STXBP5: variants seen among roughly 807,000 people sequenced by gnomAD.
STXBP5 encodes the protein syntaxin binding protein 5, also known as syntaxin-binding protein 5.
In STXBP5, 50 loss-of-function variants were observed where a neutral mutation model predicts 152.4. The observed-to-expected ratio is 0.33, with a 90% CI of 0.26 to 0.42. STXBP5 has a LOEUF of 0.42. STXBP5 is among the 10% of genes least tolerant of loss of function. The probability of loss-of-function intolerance (pLI) is 1.00; values close to 1 mark genes in which losing one functional copy is unlikely to be tolerated. For synonymous variants in STXBP5, 492 were observed against 494.7 expected, an observed-to-expected ratio of 0.99 and a Z score of 0.07; for missense variants, 1,167 against 1,388.6, an observed-to-expected ratio of 0.84 and a Z score of 2.54.
chr6:147,369,669 C>T (rs997705792), intron 25 of STXBP5, among the ~76,000 whole-genome samples: 1 of 151,920 alleles, frequency 6.6e-6, no homozygotes, highest in Non-Finnish European at 1.5e-5. Flanking sequence ...AAGGAAAGCT[C>T]ACCATGAAAA....
chr6:147,292,591 G>A, intron 9 of STXBP5: 1 of 151,360 alleles, frequency 6.6e-6, no homozygotes, highest in Non-Finnish European at 1.5e-5. Context: ...TATGGCAAAG[G>A]AATTAAAATA....
chr6:147,329,662 T>G (rs1393594730), intron 18 of STXBP5, among the ~76,000 whole-genome samples: 1 of 129,550 alleles, frequency 7.7e-6, no homozygotes, highest in African/African-American at 2.9e-5. Flanking sequence ...GTCTCGCTCT[T>G]TCGCCCAGGC....
Position 147,314,650 on chromosome 6 carries a change from A to AT in STXBP5, c.1402+15dup. The AT allele has an allele frequency of 6.3e-7, 1 of 1,598,066 alleles. No homozygotes were observed. The highest frequency in any genetic ancestry group is 8.5e-7 in the Non-Finnish European group (1 of 1,170,916). On this transcript the variant is annotated intron_variant, in intron 14 of 27. Transcript: ENST00000321680. Reference sequence around the variant, plus strand: ...ATGCTTCTGCAAGTAAGTATTTTTAATATTCATTATTTGTTATATGTTATA... The same window carrying AT: ...ATGCTTCTGCAAGTAAGTATTTTTAATTATTCATTATTTGTTATATGTTATA...
intron 21 of STXBP5, among the ~76,000 whole-genome samples, chr6:147,350,682 G>A (rs1784550108): frequency 6.6e-6 from 1 of 152,044 alleles, no homozygotes; most frequent in Non-Finnish European, 1.5e-5. Flanking sequence ...TAGAATGAAG[G>A]AACATTAGGT....
intron 1 of STXBP5, among the ~76,000 whole-genome samples, chr6:147,205,475 A>T (rs1036750553): frequency 6.6e-6 from 1 of 151,846 alleles, no homozygotes; most frequent in African/African-American, 2.4e-5. Context: ...TCATTCTGTT[A>T]CAAGTGTAAA....
chr6:147,212,581 G>T (rs1011402435), intron 2 of STXBP5, among the ~76,000 whole-genome samples: 1 of 152,108 alleles, frequency 6.6e-6, no homozygotes, highest in African/African-American at 2.4e-5. Flanking sequence ...TTCTTTTTCT[G>T]TGGGGGGATT....
rs1459855817 is a variant in STXBP5 at position 147,262,373 on chromosome 6, A to C, written c.630+20A>C. The C allele has an allele frequency of 4.9e-6, 7 of 1,438,430 alleles. No individual in the cohort carries two copies. The highest frequency in any genetic ancestry group is 6.6e-6 in the Non-Finnish European group (7 of 1,061,358). The allele number at this position is 1,438,430 out of a possible 1,614,324, so 89.1% of individuals were successfully genotyped here. ...GGAAAGGTAGAATTTTTTGTAAAAA[A>C]TTATATATTAAATGCACAAATTTTA... On this transcript the variant is annotated intron_variant, in intron 6 of 27. Coordinates refer to ENST00000321680, the MANE Select transcript of STXBP5 (RefSeq NM_001127715.4).
chr6:147,315,478 A>G (rs1469883515), intron 14 of STXBP5, 37 bp from the exon 15 acceptor site: 1 of 1,381,242 alleles, frequency 7.2e-7, no homozygotes, highest in Admixed American at 1.9e-5. Flanking sequence ...TGATCATTTT[A>G]TATTAAAGTA....
In STXBP5 at chr6:147,204,451, G is replaced by A; in HGVS notation, c.-82G>A. On this transcript the variant is annotated 5_prime_UTR_variant, in exon 1 of 28. Coordinates refer to ENST00000321680, the MANE Select transcript of STXBP5 (RefSeq NM_001127715.4). The surrounding 1 kb of genome is among the most constrained non-coding windows in gnomAD (Gnocchi z 4.3). The stretch of plus-strand genomic sequence containing the variant: ...CTCCTCCGTTTCCGCGGTCGAAGCT[G>A]CCTTCGGCCCCGGGTGGTCTCCCCC... The A allele has an allele frequency of 7.0e-7, 1 of 1,435,044 alleles. No individual in the cohort carries two copies. Among genetic ancestry groups the A allele is most frequent in the Non-Finnish European group, 9.5e-7 (1 of 1,050,350 alleles). The allele number at this position is 1,435,044 out of a possible 1,614,324, so 88.9% of individuals were successfully genotyped here. A position where few individuals can be genotyped will look rare whatever the true frequency, so the allele number is the denominator to read the frequency against.
intron 23 of STXBP5, among the ~76,000 whole-genome samples, chr6:147,360,933 A>G (rs910516547): frequency 1.1e-4 from 17 of 152,158 alleles, no homozygotes; most frequent in African/African-American, 4.1e-4. Context: ...GTTAAACTGC[A>G]TTTATGATTA....
At chr6:147,362,196 CAG>C (rs1785099259) in intron 23 of STXBP5, among the ~76,000 whole-genome samples, 2 of 151,874 alleles carry the variant, frequency 1.3e-5, no homozygotes, top group African/African-American at 4.8e-5. Flanking sequence ...AACATAAATG[CAG>C]AGAGGAAAGG....
intron 26 of STXBP5, among the ~76,000 whole-genome samples, chr6:147,374,231 C>T (rs764535027): frequency 4.6e-5 from 7 of 152,186 alleles, no homozygotes; most frequent in Admixed American, 6.5e-5. Context: ...GTTCATTTAA[C>T]CTTCATCATA....
chr6:147,306,197 G>C (rs373438317), intron 9 of STXBP5, among the ~76,000 whole-genome samples: 1 of 152,318 alleles, frequency 6.6e-6, no homozygotes, highest in African/African-American at 2.4e-5. Context: ...CAGCTCAGCT[G>C]TAGGGTTAGT....
At chr6:147,271,223 C>CT (rs1163359539) in intron 7 of STXBP5, among the ~76,000 whole-genome samples, 1 of 151,930 alleles carries the variant, frequency 6.6e-6, no homozygotes, top group African/African-American at 2.4e-5. Context: ...AAGAAACCCA[C>CT]TTTTAAAGAT....
intron 11 of STXBP5, among the ~76,000 whole-genome samples, chr6:147,313,237 T>C (rs913136655): frequency 6.6e-6 from 1 of 152,214 alleles, no homozygotes; most frequent in Admixed American, 6.5e-5. Flanking sequence ...TTTTAGCCAG[T>C]TTCTGGTTTT....
rs1245619124 is a variant in STXBP5, at chr6:147,386,428, T to G, written c.*1673T>G. The G allele has an allele frequency of 6.6e-6, 1 of 151,838 alleles. No homozygotes were observed. Among genetic ancestry groups the G allele is most frequent in the Non-Finnish European group, 1.5e-5 (1 of 67,826 alleles). 9.4% of individuals were successfully genotyped at this position (151,838 alleles called of 1,614,324 possible). ...CTACTTTTCATTAATAAAGCTTTTA[T>G]GTTTACATTTTATAACATGCACTAC... On this transcript the variant is annotated 3_prime_UTR_variant, in exon 28 of 28. Coordinates refer to ENST00000321680, the MANE Select transcript of STXBP5 (RefSeq NM_001127715.4).
Position 147,326,295 on chromosome 6 carries a change from A to G in STXBP5, c.1929-830A>G, listed in dbSNP as rs150489897. On this transcript the variant is annotated intron_variant, in intron 17 of 27. Transcript: ENST00000321680. ...CCAATAGGAAGTTTCAAAGGAATCT[A>G]TTACAGACCTCACTAGGCTTACAGT... Among the ~76,000 whole-genome samples, 317 of 152,318 alleles carry G rather than the reference A, an allele frequency of 2.1e-3. 1 individual carries two copies. Among genetic ancestry groups the G allele is most frequent in the African/African-American group, 6.3e-3 (262 of 41,570 alleles).
intron 9 of STXBP5, chr6:147,292,341 C>A: frequency 2.4e-6 from 1 of 412,842 alleles, no homozygotes; most frequent in Non-Finnish European, 4.8e-6. Context: ...ATCTGTTTGA[C>A]TCTTGCATCC....
chr6:147,213,135 A>T (rs959566720), intron 2 of STXBP5, among the ~76,000 whole-genome samples: 1 of 152,160 alleles, frequency 6.6e-6, no homozygotes, highest in African/African-American at 2.4e-5. Flanking sequence ...TGGAGTAATA[A>T]TTGCTGGGCA....
Sources: allele counts gnomAD v4.1 joint callset (sites outside exome capture counted in the v4.1 genomes callset), GRCh38; gene constraint gnomAD v4.1.1; non-coding constraint Gnocchi (gnomAD v3.1); transcripts MANE v1.5; gene names NCBI Gene and HGNC (gene_info 2026-07-23, HGNC 2026-07-21).